Variants in MORN5 observed in about 807,000 individuals in gnomAD.
The protein encoded by MORN5 is MORN repeat containing 5.
MORN5 carries 21 observed loss-of-function variants against 22.1 expected under a neutral mutation model. The observed-to-expected ratio is 0.95, with a 90% CI of 0.67 to 1.37. The LOEUF (loss-of-function observed/expected upper bound fraction) is 1.37. Among genes scored for constraint, MORN5 ranks in the 40% most tolerant of loss-of-function variants. The pLI is 0.00. For synonymous variants in MORN5, 73 were observed against 74.0 expected (o/e 0.99, Z 0.07); for missense variants, 211 against 215.1 (o/e 0.98, Z 0.12).
intron 3 of MORN5, among the ~76,000 whole-genome samples, 172 bp downstream of exon 3, chr9:122,169,928 T>A (rs1829341623): frequency 6.6e-6 from 1 of 152,170 alleles, no homozygotes; most frequent in Non-Finnish European, 1.5e-5. Flanking sequence ...AGTCCTCATA[T>A]CTCAGCTCCA....
chr9:122,176,585 A>G (rs968762712), intron 4 of MORN5, among the ~76,000 whole-genome samples: 1 of 152,218 alleles, frequency 6.6e-6, no homozygotes, highest in African/African-American at 2.4e-5. Context: ...GTTCAGTTAG[A>G]AAAATGGAAA....
chr9:122,178,265 G>A (rs1482701545), intron 4 of MORN5, among the ~76,000 whole-genome samples: 3 of 152,098 alleles, frequency 2.0e-5, no homozygotes, highest in African/African-American at 4.8e-5. Context: ...AAGGCAGGCG[G>A]ATCACCTGAG....
intron 4 of MORN5, among the ~76,000 whole-genome samples, chr9:122,196,743 T>C (rs2118791851): frequency 6.6e-6 from 1 of 152,358 alleles, no homozygotes; most frequent in East Asian, 1.9e-4. Flanking sequence ...GCAGGGCTAT[T>C]ATTCACATTT....
In MORN5 at chr9:122,199,899, G is replaced by C; in HGVS notation, c.454G>C (p.Glu152Gln). 1 of 1,613,992 alleles carries C rather than the reference G, an allele frequency of 6.2e-7. No individual in the cohort carries two copies. ...FLRNADDDEH[E>Q]WITRTCRKG Reference sequence around the variant, plus strand: ...TTTCCTTGCAGATGATGACGAGCATGAGTGGATCACCCGTACCTGTCGAAA... The same window carrying C: ...TTTCCTTGCAGATGATGACGAGCATCAGTGGATCACCCGTACCTGTCGAAA... Residue 152 changes from glutamate (E) to glutamine (Q), a missense_variant, in exon 5 of 5, where the codon GAG becomes CAG. Coordinates refer to ENST00000373764, the MANE Select transcript of MORN5 (RefSeq NM_198469.4).
intron 4 of MORN5, among the ~76,000 whole-genome samples, chr9:122,199,386 G>A (rs984820822): frequency 4.6e-5 from 7 of 152,148 alleles, no homozygotes; most frequent in South Asian, 2.1e-4. Context: ...GCCCCTCTCC[G>A]TTCCCCACTG....
At chr9:122,175,723 G>C (rs1829440484) in intron 4 of MORN5, 1 of 982,838 alleles carries the variant, frequency 1.0e-6, no homozygotes, top group Non-Finnish European at 1.2e-6. Context: ...AGGTAGACCA[G>C]AACATCTGTG....
At chr9:122,199,429 C>G (rs1829964264) in intron 4 of MORN5, among the ~76,000 whole-genome samples, 1 of 152,112 alleles carries the variant, frequency 6.6e-6, no homozygotes, top group South Asian at 2.1e-4. Context: ...GGTGTTAGTC[C>G]CCTGGAGAAA....
intron 3 of MORN5, among the ~76,000 whole-genome samples, chr9:122,172,057 C>T (rs1262055894): frequency 6.7e-6 from 1 of 148,270 alleles, no homozygotes; most frequent in African/African-American, 2.5e-5. Flanking sequence ...TGGGCTCAAG[C>T]GATCCTCCTG....
chr9:122,178,094 T>C (rs890932767), intron 4 of MORN5, among the ~76,000 whole-genome samples: 1 of 152,204 alleles, frequency 6.6e-6, no homozygotes, highest in African/African-American at 2.4e-5. Flanking sequence ...GCATGGTGGC[T>C]TGCGCCTGTA....
intron 4 of MORN5, among the ~76,000 whole-genome samples, chr9:122,194,144 AC>A (rs1368120942): frequency 6.6e-6 from 1 of 152,210 alleles, no homozygotes; most frequent in East Asian, 1.9e-4. Context: ...CCAAAGATAG[AC>A]CTAAACCTGA....
chr9:122,198,444 A>C (rs1788350196), intron 4 of MORN5, among the ~76,000 whole-genome samples: 1 of 152,116 alleles, frequency 6.6e-6, no homozygotes, highest in South Asian at 2.1e-4. Context: ...TAAGGAGAGG[A>C]GGCAAGAACT....
chr9:122,183,439 C>T (rs531407988), intron 4 of MORN5, among the ~76,000 whole-genome samples: 54 of 152,140 alleles, frequency 3.5e-4, no homozygotes, highest in Admixed American at 1.3e-4. Context: ...ATACCCCATG[C>T]GAGTGTCTCA....
rs893769424 is a variant in MORN5 at position 122,191,782 on chromosome 9, C to A, written c.440-8103C>A. On this transcript the variant is annotated intron_variant, in intron 4 of 4. Transcript: ENST00000373764. ...GGCTCGCCTGCCCTGGCTTGCCCTG[C>A]TGGCTTTGAACAAAAATTATTAGCT... Among the ~76,000 whole-genome samples the A allele has an allele frequency of 2.6e-4, 40 of 152,236 alleles. 2 individuals carry two copies. The highest frequency in any genetic ancestry group is 2.9e-5 in the Non-Finnish European group (2 of 68,034).
intron 4 of MORN5, 159 bp downstream of exon 4, chr9:122,174,786 G>T (rs1008506143): frequency 6.6e-7 from 1 of 1,511,402 alleles, no homozygotes; most frequent in Non-Finnish European, 8.8e-7. Context: ...TGGACTTCTC[G>T]TGGCTGGCAA....
intron 4 of MORN5, among the ~76,000 whole-genome samples, chr9:122,193,985 T>C (rs546394988): frequency 1.3e-5 from 2 of 152,348 alleles, no homozygotes; most frequent in East Asian, 3.9e-4. Flanking sequence ...GGGTAGCCCA[T>C]GGTCAGATTT....
At chr9:122,198,953 G>A (rs1829953562) in intron 4 of MORN5, among the ~76,000 whole-genome samples, 2 of 152,186 alleles carry the variant, frequency 1.3e-5, no homozygotes, top group South Asian at 2.1e-4. Flanking sequence ...ATATTTTACA[G>A]AGCAACATGC....
chr9:122,198,813 A>T (rs1323789334), intron 4 of MORN5, among the ~76,000 whole-genome samples: 2 of 152,224 alleles, frequency 1.3e-5, no homozygotes, highest in Non-Finnish European at 2.9e-5. Context: ...CAACAGTAAG[A>T]AGCAAAGAGC....
At chr9:122,166,012 C>G (rs970551146) in intron 1 of MORN5, among the ~76,000 whole-genome samples, 70 of 152,228 alleles carry the variant, frequency 4.6e-4, no homozygotes, top group African/African-American at 1.6e-3. Context: ...CTGGGAAGGC[C>G]TCACGATCAT....
chr9:122,168,258 T>C (rs1448461995), intron 2 of MORN5, among the ~76,000 whole-genome samples: 1 of 152,202 alleles, frequency 6.6e-6, no homozygotes, highest in African/African-American at 2.4e-5. Context: ...TTAGCTCTTA[T>C]TACCACCATC....
Sources: gnomAD v4.1 joint callset for allele counts (sites outside exome capture counted in the v4.1 genomes callset) on GRCh38, gnomAD v4.1.1 for gene constraint, MANE v1.5 for transcripts, NCBI Gene and HGNC (gene_info 2026-07-23, HGNC 2026-07-21) for gene names.